Variants in SUSD5 observed in about 807,000 individuals in gnomAD.
SUSD5 encodes sushi domain containing 5, also known as sushi domain-containing protein 5.
Under a neutral mutation model 29.5 loss-of-function variants are expected in SUSD5, and 33 were observed. The ratio of observed to expected loss-of-function variants is 1.12; its 90% confidence interval spans 0.85 to 1.49. The LOEUF is 1.49. Among genes scored for constraint, SUSD5 ranks in the 40% most tolerant of loss-of-function variants. The pLI, the probability that SUSD5 is intolerant of heterozygous loss-of-function variation, is 0.00. For synonymous variants in SUSD5, 308 were observed against 325.3 expected, an observed-to-expected ratio of 0.95 and a Z score of 0.57; for missense variants, 776 against 800.6, an observed-to-expected ratio of 0.97 and a Z score of 0.37.
Position 33,163,760 on chromosome 3 carries a change from G to A in SUSD5, c.599-9727C>T, listed in dbSNP as rs1412813207. On this transcript the variant is annotated intron_variant, in intron 4 of 4. Transcript: ENST00000309558. ...CGCCTGTAATCCCAGCACTTTGGGAGGCTGAGGCGGGCGGATCACGAGGTC... is the reference window on the plus strand; with the variant it reads ...CGCCTGTAATCCCAGCACTTTGGGAAGCTGAGGCGGGCGGATCACGAGGTC... Among the ~76,000 whole-genome samples the A allele has an allele frequency of 2.6e-5, 4 of 152,182 alleles. No individual in the cohort carries two copies. The South Asian group carries it at 8.3e-4, about 31-fold the overall frequency.
intron 4 of SUSD5, among the ~76,000 whole-genome samples, chr3:33,171,355 A>G (rs28593325): frequency 0.031 from 4,666 of 151,930 alleles, 224 homozygotes; most frequent in African/African-American, 0.11. Flanking sequence ...TAAAAAAAAA[A>G]AGGGTATTAT....
At chr3:33,183,424 A>G (rs1162244831) in intron 3 of SUSD5, among the ~76,000 whole-genome samples, 2 of 150,734 alleles carry the variant, frequency 1.3e-5, no homozygotes, top group Non-Finnish European at 3.0e-5. Context: ...TTTATTCTTT[A>G]TCTTTTTTAG....
At chr3:33,159,721 ACAC>A (rs2031138425) in intron 4 of SUSD5, among the ~76,000 whole-genome samples, 2 of 151,736 alleles carry the variant, frequency 1.3e-5, no homozygotes, top group South Asian at 4.2e-4. Flanking sequence ...ACACACACAC[ACAC>A]AAACACAAAC....
chr3:33,165,721 C>T (rs962168333), intron 4 of SUSD5, among the ~76,000 whole-genome samples: 2 of 152,146 alleles, frequency 1.3e-5, no homozygotes, highest in African/African-American at 4.8e-5. Context: ...GAAAAAAGAA[C>T]AATGGCTATA....
intron 2 of SUSD5, among the ~76,000 whole-genome samples, chr3:33,209,668 T>C (rs1290800993): frequency 6.6e-6 from 1 of 151,632 alleles, no homozygotes; most frequent in Admixed American, 6.6e-5. Context: ...TTCTTTTTTT[T>C]TCTTTTCTTT....
intron 2 of SUSD5, among the ~76,000 whole-genome samples, chr3:33,209,616 C>T (rs2032285068): frequency 7.0e-6 from 1 of 141,946 alleles, no homozygotes; most frequent in African/African-American, 2.6e-5. Flanking sequence ...TTCTCTCTTC[C>T]TTCCTTCCTT....
chr3:33,175,563 C>CACTA (rs1553620684), intron 3 of SUSD5, among the ~76,000 whole-genome samples: 1,754 of 150,240 alleles, frequency 0.012, 28 homozygotes, highest in East Asian at 0.082. Context: ...CACACACACA[C>CACTA]TATATATATA....
At position 33,152,851 on chromosome 3, in the gene SUSD5, A is replaced by T. The variant is rs536025045; in HGVS notation, c.1781T>A (p.Met594Lys). 1.2e-6 allele frequency: 2 copies of T among 1,613,948 alleles called. No individual in the cohort carries two copies. The highest frequency in any genetic ancestry group is 1.6e-4 in the Middle Eastern group (1 of 6,062). The change falls in exon 5 of 5, where the codon ATG becomes AAG. Residue 594 changes from methionine (M) to lysine (K), a missense_variant. Physicochemically the swap from Met to Lys is moderately conservative, Grantham distance 95 (BLOSUM62 -1). Transcript: ENST00000309558. ...CTGGCACTTGCGGTAGCCCCACACC[A>T]TCCCCACACCTGCCAGGAGCAGCAG... Reference protein sequence around the residue: ...CLLLLLAGVGMVWGYRKCQHK... With the variant: ...CLLLLLAGVGKVWGYRKCQHK...
chr3:33,180,536 A>AT (rs746042465), intron 3 of SUSD5, among the ~76,000 whole-genome samples: 6 of 152,084 alleles, frequency 3.9e-5, no homozygotes, highest in Non-Finnish European at 4.4e-5. Context: ...AATTAAAAAA[A>AT]TTTTTTTTGG....
At chr3:33,171,614 A>G (rs1238590579) in intron 4 of SUSD5, among the ~76,000 whole-genome samples, 1 of 152,182 alleles carries the variant, frequency 6.6e-6, no homozygotes, top group African/African-American at 2.4e-5. Context: ...ATGCAGCAGC[A>G]GAAATTTGAA....
chr3:33,173,481 GA>G (rs1303950669), intron 4 of SUSD5, among the ~76,000 whole-genome samples: 1 of 152,232 alleles, frequency 6.6e-6, no homozygotes, highest in African/African-American at 2.4e-5. Flanking sequence ...ACCAACAGCT[GA>G]TTGGATAAAT....
At chr3:33,207,768 G>T in intron 3 of SUSD5, 40 bp downstream of exon 3, 2 of 1,400,990 alleles carry the variant, frequency 1.4e-6, no homozygotes, top group Non-Finnish European at 2.0e-6. Context: ...ATCCCCAAGA[G>T]CACACCCTCC....
chr3:33,168,998 CA>C (rs2031365438), intron 4 of SUSD5, among the ~76,000 whole-genome samples: 1 of 152,108 alleles, frequency 6.6e-6, no homozygotes, highest in African/African-American at 2.4e-5. Context: ...TGGTGTCTGA[CA>C]CAGGCAAGTC....
chr3:33,190,507 T>C (rs1328746952), intron 3 of SUSD5, among the ~76,000 whole-genome samples: 1 of 152,258 alleles, frequency 6.6e-6, no homozygotes, highest in Non-Finnish European at 1.5e-5. Context: ...TAAATGACTA[T>C]ATATTATTCC....
intron 4 of SUSD5, among the ~76,000 whole-genome samples, chr3:33,157,162 CCT>C (rs1194496958): frequency 6.6e-6 from 1 of 152,194 alleles, no homozygotes; most frequent in Admixed American, 6.5e-5. Context: ...ATTCAACAGA[CCT>C]CACTGAGTGC....
intron 4 of SUSD5, among the ~76,000 whole-genome samples, chr3:33,171,598 C>T (rs960549690): frequency 2.0e-5 from 3 of 152,162 alleles, no homozygotes; most frequent in African/African-American, 2.4e-5. Flanking sequence ...TTCCCTATTC[C>T]GCTTCATGCA....
chr3:33,180,691 T>G (rs1032891192), intron 3 of SUSD5, among the ~76,000 whole-genome samples: 20 of 151,486 alleles, frequency 1.3e-4, no homozygotes, highest in Non-Finnish European at 1.5e-5. Flanking sequence ...CAAAAAAAAA[T>G]TATCCAGGCG....
chr3:33,192,819 A>T (rs201806043), intron 3 of SUSD5, among the ~76,000 whole-genome samples: 5 of 151,220 alleles, frequency 3.3e-5, no homozygotes, highest in Admixed American at 6.6e-5. Flanking sequence ...TCTGTCAAAA[A>T]ATATATATAT....
chr3:33,211,430 A>G (rs1475028348), intron 2 of SUSD5, among the ~76,000 whole-genome samples: 1 of 152,236 alleles, frequency 6.6e-6, no homozygotes, highest in African/African-American at 2.4e-5. Context: ...ACTTGACTAC[A>G]TTATGGAAAT....
Sources: gnomAD v4.1 joint callset for allele counts (sites outside exome capture counted in the v4.1 genomes callset) on GRCh38, gnomAD v4.1.1 for gene constraint, MANE v1.5 for transcripts, NCBI Gene and HGNC (gene_info 2026-07-23, HGNC 2026-07-21) for gene names.